HTR1F: variants seen among roughly 807,000 people sequenced by gnomAD.
The protein encoded by HTR1F is 5-hydroxytryptamine (serotonin) receptor 1F, G protein-coupled.
HTR1F carries 17 observed loss-of-function variants against 24.0 expected under a neutral mutation model. The observed-to-expected ratio is 0.71, with a 90% confidence interval of 0.48 to 1.06. The LOEUF (loss-of-function observed/expected upper bound fraction) is 1.06. HTR1F is among the 50% of genes least tolerant of loss of function. The pLI, the probability that HTR1F is intolerant of heterozygous loss-of-function variation, is 0.00. For missense variants in HTR1F, 391 were observed against 427.8 expected, an observed-to-expected ratio of 0.91 and a Z score of 0.76; for synonymous variants, 186 against 156.8, an observed-to-expected ratio of 1.19 and a Z score of -1.39.
chr3:87,895,096 G>A (rs1706170441), intron 2 of HTR1F, among the ~76,000 whole-genome samples: 1 of 152,140 alleles, frequency 6.6e-6, no homozygotes, highest in South Asian at 2.1e-4. Flanking sequence ...AGACAGGGGT[G>A]ATGAAAAGAG....
intron 2 of HTR1F, among the ~76,000 whole-genome samples, chr3:87,851,995 C>T (rs1164506117): frequency 6.7e-6 from 1 of 149,494 alleles, no homozygotes; most frequent in Non-Finnish European, 1.5e-5. Flanking sequence ...ATGTACATTT[C>T]TACCAGCAAT....
intron 2 of HTR1F, among the ~76,000 whole-genome samples, chr3:87,983,476 G>T (rs1216328561): frequency 6.6e-6 from 1 of 152,030 alleles, no homozygotes; most frequent in Non-Finnish European, 1.5e-5. Flanking sequence ...ACAATCCCAG[G>T]CTCGGAACCT....
chr3:87,885,271 T>A (rs1454425277), intron 2 of HTR1F, among the ~76,000 whole-genome samples: 1 of 152,102 alleles, frequency 6.6e-6, no homozygotes, highest in Non-Finnish European at 1.5e-5. Context: ...AAGGCAGAGA[T>A]AAAGATGTTC....
intron 1 of HTR1F, among the ~76,000 whole-genome samples, chr3:87,803,646 G>C (rs1056515180): frequency 6.6e-6 from 1 of 151,628 alleles, no homozygotes; most frequent in African/African-American, 2.4e-5. Context: ...GTTACAGTAG[G>C]GAAGTGCTTT....
intron 2 of HTR1F, among the ~76,000 whole-genome samples, chr3:87,875,655 T>C (rs1026519737): frequency 3.9e-5 from 6 of 151,930 alleles, no homozygotes; most frequent in African/African-American, 1.5e-4. Context: ...CCAGGCGCGG[T>C]GGCTCACACC....
chr3:87,972,701 A>G (rs866384845), intron 2 of HTR1F, among the ~76,000 whole-genome samples: 3 of 152,250 alleles, frequency 2.0e-5, no homozygotes, highest in African/African-American at 7.2e-5. Flanking sequence ...CTAGTTGCCC[A>G]TCGAGTAACA....
rs1437612915 is a variant in HTR1F, at chr3:87,849,221, C to T, written c.-43+27097C>T. Among the ~76,000 whole-genome samples, 6 of 151,870 alleles carry T rather than the reference C, an allele frequency of 4.0e-5. No individual in the cohort carries two copies. In the East Asian group the frequency reaches 5.8e-4, roughly 15 times the overall value. On this transcript the variant is annotated intron_variant, in intron 2 of 2. Coordinates refer to ENST00000319595, the MANE Select transcript of HTR1F (RefSeq NM_001322209.2). Reference sequence around the variant, plus strand: ...GACTTCAAACTATACTACAAGGCTACGGTAACCAAAACAGCATGGTACTGG... The same window carrying T: ...GACTTCAAACTATACTACAAGGCTATGGTAACCAAAACAGCATGGTACTGG...
chr3:87,844,099 C>T (rs1271720068), intron 2 of HTR1F, among the ~76,000 whole-genome samples: 15 of 150,720 alleles, frequency 1.0e-4, no homozygotes, highest in Admixed American at 5.3e-4. Context: ...TGAGGAATCG[C>T]CACACTGACT....
At chr3:87,850,249 A>G (rs1339702180) in intron 2 of HTR1F, among the ~76,000 whole-genome samples, 7 of 151,980 alleles carry the variant, frequency 4.6e-5, no homozygotes, top group East Asian at 1.9e-4. Flanking sequence ...AAAATGTGGC[A>G]CATATACACC....
chr3:87,875,936 A>T (rs1318125388), intron 2 of HTR1F, among the ~76,000 whole-genome samples: 1 of 152,074 alleles, frequency 6.6e-6, no homozygotes. Context: ...AAAAAAAAAA[A>T]AAAAAGGGCA....
At chr3:87,956,291 G>T (rs1704941569) in intron 2 of HTR1F, among the ~76,000 whole-genome samples, 1 of 151,282 alleles carries the variant, frequency 6.6e-6, no homozygotes, top group Non-Finnish European at 1.5e-5. Context: ...CACTCCAGTG[G>T]ATTATCTTGG....
At chr3:87,954,452 T>G (rs1469432269) in intron 2 of HTR1F, among the ~76,000 whole-genome samples, 2 of 151,754 alleles carry the variant, frequency 1.3e-5, no homozygotes, top group Non-Finnish European at 3.0e-5. Context: ...GTATTTGATT[T>G]GTAACTTTTA....
At chr3:87,827,806 G>GT (rs1167463188) in intron 2 of HTR1F, among the ~76,000 whole-genome samples, 1 of 152,174 alleles carries the variant, frequency 6.6e-6, no homozygotes, top group African/African-American at 2.4e-5. Context: ...TTGGAAAAGG[G>GT]TGAGGTGATC....
intron 2 of HTR1F, among the ~76,000 whole-genome samples, chr3:87,884,189 T>C (rs1418598580): frequency 6.6e-6 from 1 of 152,190 alleles, no homozygotes; most frequent in Non-Finnish European, 1.5e-5. Context: ...GGGCCAATAC[T>C]CAACATTCTT....
intron 1 of HTR1F, among the ~76,000 whole-genome samples, chr3:87,812,588 G>A (rs375323938): frequency 9.2e-5 from 14 of 152,330 alleles, no homozygotes; most frequent in Admixed American, 6.5e-4. Flanking sequence ...ATTTCAACCT[G>A]CTGCAGAAAT....
intron 2 of HTR1F, among the ~76,000 whole-genome samples, chr3:87,866,920 TGG>T (rs1705443146): frequency 6.6e-6 from 1 of 151,640 alleles, no homozygotes; most frequent in Non-Finnish European, 1.5e-5. Flanking sequence ...CATTTCTTTA[TGG>T]TCTCCCCTGA....
chr3:87,934,407 G>T (rs1704362064), intron 2 of HTR1F, among the ~76,000 whole-genome samples: 1 of 152,100 alleles, frequency 6.6e-6, no homozygotes, highest in Admixed American at 6.6e-5. Flanking sequence ...GACTGCCCTT[G>T]ACCACCTGGA....
chr3:87,885,075 G>C (rs1274370595), intron 2 of HTR1F, among the ~76,000 whole-genome samples: 1 of 152,092 alleles, frequency 6.6e-6, no homozygotes, highest in Non-Finnish European at 1.5e-5. Context: ...TTCCAAAATT[G>C]ACTACATAGT....
At chr3:87,886,041 A>G (rs1705934302) in intron 2 of HTR1F, among the ~76,000 whole-genome samples, 1 of 152,196 alleles carries the variant, frequency 6.6e-6, no homozygotes, top group African/African-American at 2.4e-5. Context: ...CGACAAAAAA[A>G]GACAATTTTA....
Sources: allele counts gnomAD v4.1 joint callset (sites outside exome capture counted in the v4.1 genomes callset), GRCh38; gene constraint gnomAD v4.1.1; transcripts MANE v1.5; gene names NCBI Gene and HGNC (gene_info 2026-07-23, HGNC 2026-07-21).